Variants in SRRM4 observed in about 807,000 individuals in gnomAD.
The protein encoded by SRRM4 is serine/arginine repetitive matrix protein 4.
A neutral mutation model predicts 68.9 loss-of-function variants in SRRM4; 33 were observed. The observed-to-expected ratio is 0.48, with a 90% CI of 0.36 to 0.64. The LOEUF is 0.64. SRRM4 is among the 30% of genes least tolerant of loss of function. SRRM4 has a pLI of 0.00. For synonymous variants in SRRM4, 318 were observed against 318.8 expected, an observed-to-expected ratio of 1.00 and a Z score of 0.03; for missense variants, 817 against 827.1, an observed-to-expected ratio of 0.99 and a Z score of 0.15.
intron 1 of SRRM4, among the ~76,000 whole-genome samples, chr12:119,009,908 C>T (rs143501787): frequency 1.4e-3 from 216 of 152,300 alleles, no homozygotes; most frequent in African/African-American, 4.9e-3. Flanking sequence ...CCTGCCAGAA[C>T]AATTTTTCTC....
intron 8 of SRRM4, chr12:119,132,971 T>C (rs1954307281): frequency 6.6e-6 from 1 of 152,074 alleles, no homozygotes; most frequent in African/African-American, 2.4e-5. Context: ...AATAAAATAA[T>C]AATAATATAG....
intron 7 of SRRM4, among the ~76,000 whole-genome samples, chr12:119,129,865 T>C (rs1954282873): frequency 6.9e-6 from 1 of 144,270 alleles, no homozygotes; most frequent in Admixed American, 7.1e-5. Flanking sequence ...GAATGGTTAG[T>C]TGGACAAATG....
intron 1 of SRRM4, among the ~76,000 whole-genome samples, chr12:119,025,400 T>G (rs1004069188): frequency 1.3e-5 from 2 of 151,648 alleles, no homozygotes; most frequent in South Asian, 2.1e-4. Flanking sequence ...TAGATGTGGG[T>G]GTCAAGATAA....
At chr12:118,985,442 A>T (rs907978048) in intron 1 of SRRM4, among the ~76,000 whole-genome samples, 12 of 152,188 alleles carry the variant, frequency 7.9e-5, no homozygotes, top group Non-Finnish European at 1.3e-4. Flanking sequence ...GTTTCATCAA[A>T]TCTACAGTGA....
At chr12:119,108,078 T>G (rs1302523188) in intron 2 of SRRM4, among the ~76,000 whole-genome samples, 4 of 152,224 alleles carry the variant, frequency 2.6e-5, no homozygotes, top group Non-Finnish European at 5.9e-5. Flanking sequence ...ATGTACCCAG[T>G]AGTCATTCAG....
At chr12:119,112,206 C>CTAAAAGGGACCCTCTTAGAAA (rs1954149025) in intron 2 of SRRM4, among the ~76,000 whole-genome samples, 2 of 152,118 alleles carry the variant, frequency 1.3e-5, no homozygotes, top group African/African-American at 4.8e-5. Context: ...TTTTAACCTA[C>CTAAAAGGGACCCTCTTAGAAA]TAAAAGGGAC....
chr12:119,080,100 T>C (rs1477293080), intron 1 of SRRM4, among the ~76,000 whole-genome samples: 1 of 152,196 alleles, frequency 6.6e-6, no homozygotes, highest in Non-Finnish European at 1.5e-5. Flanking sequence ...GGTGTCATCC[T>C]GTCTTAACCC....
intron 1 of SRRM4, among the ~76,000 whole-genome samples, chr12:119,037,417 G>A (rs1410388202): frequency 6.6e-6 from 1 of 152,108 alleles, no homozygotes; most frequent in African/African-American, 2.4e-5. Context: ...GGGTGTCACC[G>A]GCCCTTCAGA....
intron 9 of SRRM4, among the ~76,000 whole-genome samples, chr12:119,148,007 T>G (rs1190178008): frequency 6.6e-6 from 1 of 151,678 alleles, no homozygotes. Context: ...AATGGAACAG[T>G]CCTTTTTCTC....
rs1261109520 is a variant in SRRM4, at chr12:119,125,418, C to T, written c.553C>T (p.His185Tyr). ...SRPRKSHRHRHHRCPSRSQSS... is the reference protein window; with the variant it reads ...SRPRKSHRHRYHRCPSRSQSS... ...GCCCCGAAAGTCTCACCGCCACCGCCATCACCGCTGCCCCTCGCGGTCCCA... is the reference window on the plus strand; with the variant it reads ...GCCCCGAAAGTCTCACCGCCACCGCTATCACCGCTGCCCCTCGCGGTCCCA... The change falls in exon 7 of 13, where the codon CAT (histidine) becomes TAT (tyrosine). Residue 185 changes from histidine to tyrosine, a missense_variant. Coordinates refer to ENST00000267260, the MANE Select transcript of SRRM4 (RefSeq NM_194286.4). 6.2e-7 allele frequency: 1 copy of T among 1,613,764 alleles called. No homozygotes were observed. The highest frequency in any genetic ancestry group is 2.2e-5 in the East Asian group (1 of 44,836).
At position 119,153,615 on chromosome 12, in the gene SRRM4, C is replaced by A. The variant is rs761096460; in HGVS notation, c.1357C>A (p.Arg453Ser). The change falls in exon 11 of 13, where the codon CGC becomes AGC. Residue 453 changes from arginine (R) to serine (S), a missense_variant. Transcript: ENST00000267260. ...SPPSRSSRSR[R>S]SPSYSRYSPS... ...GCCCAGCAGAAGCTCTAGGTCCCGC[C>A]GCAGCCCTAGCTACTCCCGCTACAG... 1.3e-6 allele frequency: 2 copies of A among 1,566,734 alleles called. No individual in the cohort carries two copies. The highest frequency in any genetic ancestry group is 8.6e-7 in the Non-Finnish European group (1 of 1,157,034).
intron 1 of SRRM4, among the ~76,000 whole-genome samples, chr12:119,018,596 A>C (rs1369148767): frequency 2.0e-5 from 3 of 152,222 alleles, no homozygotes; most frequent in Non-Finnish European, 4.4e-5. Flanking sequence ...AAAACTCTAC[A>C]GCTATTGCAA....
At chr12:118,982,102 C>T in intron 1 of SRRM4, 89 bp downstream of exon 1, 1 of 1,463,166 alleles carries the variant, frequency 6.8e-7, no homozygotes, top group Non-Finnish European at 9.1e-7. Context: ...TGCAGGCAGC[C>T]GGGCCAGGGC....
Position 119,159,129 on chromosome 12 carries a change from G to T in SRRM4, c.*2331G>T, listed in dbSNP as rs950321102. On this transcript the variant is annotated 3_prime_UTR_variant, in exon 13 of 13. Coordinates refer to ENST00000267260, the MANE Select transcript of SRRM4 (RefSeq NM_194286.4). ...GTGGGCTATTGGCCTTCTCCCTGAA[G>T]GCTCTAAGCCTGGAACACCCTGGGG... 6.6e-6 allele frequency: 1 copy of T among 151,904 alleles called. No homozygotes were observed. The allele number at this position is 151,904 out of a possible 1,614,324, so 9.4% of individuals were successfully genotyped here.
rs55883419 is a variant in SRRM4 at position 119,137,587 on chromosome 12, GGAGAGAGAGAGAGAGAGA to G, written c.771+6783_771+6800del. On this transcript the variant is annotated intron_variant, in intron 8 of 12. Transcript: ENST00000267260. ...AAGGAGATGAGGCGAGGTTTGGAGT[GGAGAGAGAGAGAGAGAGA>G]GAGAGAGAGAGAGAGAGAGAGAGAG... Among the ~76,000 whole-genome samples the G allele has an allele frequency of 5.0e-3, 598 of 119,128 alleles. 7 individuals carry two copies. The highest frequency in any genetic ancestry group is 0.016 in the East Asian group (65 of 4,108). The allele number at this position is 119,128 out of a possible 152,430, so 78.2% of individuals were successfully genotyped here.
At chr12:118,997,394 C>T (rs1418079411) in intron 1 of SRRM4, among the ~76,000 whole-genome samples, 1 of 152,220 alleles carries the variant, frequency 6.6e-6, no homozygotes, top group East Asian at 1.9e-4. Flanking sequence ...GCCATCAGTC[C>T]ACACACGTTA....
intron 2 of SRRM4, among the ~76,000 whole-genome samples, chr12:119,105,323 G>C (rs1182799124): frequency 6.6e-6 from 1 of 151,998 alleles, no homozygotes; most frequent in African/African-American, 2.4e-5. Flanking sequence ...ATAATCCTTT[G>C]GTTATATACC....
chr12:118,989,576 C>T (rs1278774574), intron 1 of SRRM4, among the ~76,000 whole-genome samples: 2 of 142,434 alleles, frequency 1.4e-5, no homozygotes, highest in Non-Finnish European at 3.1e-5. Flanking sequence ...TGAAATTTTG[C>T]TGAGGGAGCT....
chr12:119,012,786 G>A (rs1178618012), intron 1 of SRRM4, among the ~76,000 whole-genome samples: 2 of 152,136 alleles, frequency 1.3e-5, no homozygotes, highest in Admixed American at 6.5e-5. Flanking sequence ...CTTCTCACTT[G>A]TGCATTTCCG....
Sources: allele counts gnomAD v4.1 joint callset (sites outside exome capture counted in the v4.1 genomes callset), GRCh38; gene constraint gnomAD v4.1.1; transcripts MANE v1.5; gene names NCBI Gene and HGNC (gene_info 2026-07-23, HGNC 2026-07-21).